Variants in PLEC observed in about 807,000 individuals in gnomAD.
PLEC encodes the protein hemidesmosomal protein 1.
In PLEC, 216 loss-of-function variants were observed where a neutral mutation model predicts 392.8. The ratio of observed to expected loss-of-function variants is 0.55; its 90% CI spans 0.49 to 0.62. The LOEUF is 0.62. Ranked by LOEUF, PLEC falls within the 20% of genes least tolerant of loss-of-function variation. The pLI, the probability that PLEC is intolerant of heterozygous loss-of-function variation, is 0.00. For synonymous variants in PLEC, 3,621 were observed against 2,980.6 expected (o/e 1.21, Z -7.00); for missense variants, 6,863 against 6,563.4 (o/e 1.05, Z -1.58).
At position 143,917,939 on chromosome 8, in the gene PLEC, C is replaced by T; in HGVS notation, c.11882G>A (p.Gly3961Asp). The change falls in exon 32 of 32, where the codon GGC becomes GAC. Residue 3961 changes from glycine (G) to aspartate (D), a missense_variant. Physicochemically the swap from Gly to Asp is moderately conservative, Grantham distance 94. Transcript: ENST00000345136. ...CGCCTCCAGGAGCTCAAAGGCTGTG[C>T]CGGGGCGGATGATGCCCTTCTTCAT... ...QAMKKGIIRP[G>D]TAFELLEAQA... is the part of the protein sequence containing the mutation. The T allele has an allele frequency of 6.2e-7, 1 of 1,612,870 alleles. No homozygotes were observed. Among genetic ancestry groups the T allele is most frequent in the Non-Finnish European group, 8.5e-7 (1 of 1,179,946 alleles).
upstream of PLEC, among the ~76,000 whole-genome samples, chr8:143,955,789 A>G (rs1304355397): frequency 1.3e-5 from 2 of 151,674 alleles, no homozygotes; most frequent in African/African-American, 4.8e-5. Flanking sequence ...TTATACAGAC[A>G]GTCTGTCTCT....
At chr8:143,934,501 T>A in intron 10 of PLEC, 56 bp from the exon 11 acceptor site, 1 of 1,606,648 alleles carries the variant, frequency 6.2e-7, no homozygotes, top group Non-Finnish European at 8.5e-7. Context: ...GGTGGGGCGC[T>A]GGGCCTTCAG....
chr8:143,961,564 G>T (rs1832874980), intron 1 of PLEC, among the ~76,000 whole-genome samples: 1 of 152,092 alleles, frequency 6.6e-6, no homozygotes, highest in Non-Finnish European at 1.5e-5. Context: ...GATGCACAAT[G>T]ACCCAGCTAC....
chr8:143,953,750 G>A (rs782197911), upstream of PLEC: 1 of 1,612,270 alleles, frequency 6.2e-7, no homozygotes, highest in Non-Finnish European at 8.5e-7. Context: ...ATCTCGTTCT[G>A]GATGGCTCGC....
Position 143,924,980 on chromosome 8 carries a change from T to TC in PLEC, c.4948dup (p.Glu1650GlyfsTer14). On this transcript the variant is annotated frameshift_variant, in exon 31 of 32. Transcript: ENST00000345136. LOFTEE classifies it high-confidence loss of function. ...CGCCAGGCTCTTCTGCTGCGCCACC[T>TC]CCTCCGCCTGCAGCCGCAGCCGTAG... 1 of 1,577,352 alleles carries TC rather than the reference T, an allele frequency of 6.3e-7. No homozygotes were observed. Among genetic ancestry groups the TC allele is most frequent in the Non-Finnish European group, 8.5e-7 (1 of 1,170,012 alleles).
Position 143,917,578 on chromosome 8 carries a change from G to A in PLEC, c.12243C>T (p.Thr4081=), listed in dbSNP as rs185022156. The A allele has an allele frequency of 1.1e-3, 1,770 of 1,613,868 alleles. 3 individuals carry two copies. The highest frequency in any genetic ancestry group is 1.4e-3 in the Non-Finnish European group (1,617 of 1,180,022). The change falls in exon 32 of 32, where the codon ACC becomes ACT. Residue 4081 remains threonine (T), a synonymous_variant. Transcript: ENST00000345136. The part of the protein sequence containing the change: ...LFDEEMNEIL[T]DPSDDTKGFF... The stretch of plus-strand genomic sequence containing the variant: ...AGCCCTTGGTGTCGTCCGAGGGGTC[G>A]GTCAGGATCTCGTTCATCTCCTCAT...
In PLEC at chr8:143,930,074, G is replaced by T. The variant is rs782387123; in HGVS notation, c.2613-12C>A. 2.5e-6 allele frequency: 4 copies of T among 1,609,040 alleles called. No individual in the cohort carries two copies. Among genetic ancestry groups the T allele is most frequent in the Non-Finnish European group, 2.5e-6 (3 of 1,179,670 alleles). On this transcript the variant is annotated splice_polypyrimidine_tract_variant and intron_variant, in intron 21 of 31. Transcript: ENST00000345136. ...GCTGGGCCTCCAGCCTGGCAGGTCA[G>T]GGCTACAGTCAGCGTCACCAGCGCC...
Position 143,922,359 on chromosome 8 carries a change from T to C in PLEC, c.7462A>G (p.Thr2488Ala). The C allele has an allele frequency of 6.2e-7, 1 of 1,603,854 alleles. No individual in the cohort carries two copies. The highest frequency in any genetic ancestry group is 8.5e-7 in the Non-Finnish European group (1 of 1,179,846). ...TVQQEQLLQE[T>A]QALQQSFLSE... ...AGGAAGCTTTGCTGCAGGGCCTGCG[T>C]CTCCTGCAGCAGCTGCTCCTGCTGC... Residue 2488 changes from threonine (T) to alanine (A), a missense_variant, in exon 32 of 32, where the codon ACG becomes GCG. Thr to Ala is a moderately conservative substitution (Grantham distance 58). Coordinates refer to ENST00000345136, the MANE Select transcript of PLEC (RefSeq NM_201384.3).
At chr8:143,937,111 G>A (rs536209277) in intron 4 of PLEC, 40 bp from the exon 5 acceptor site, 3 of 1,608,618 alleles carry the variant, frequency 1.9e-6, no homozygotes, top group East Asian at 2.2e-5. Flanking sequence ...CACAGGGCGG[G>A]GCTGGCTTGG....
rs1311787735 is a variant in PLEC at position 143,937,212 on chromosome 8, T to C, written c.295A>G (p.Lys99Glu). ...AGGGCAATCTGGACATTCTGCAGCT[T>C]GTGGAAACGCATCCTCCCCTTCTCC... ...PREKGRMRFH[K>E]LQNVQIALDY... is the part of the protein sequence containing the mutation. The change falls in exon 4 of 32, where the codon AAG becomes GAG. Residue 99 changes from lysine to glutamate, a missense_variant. By Grantham distance (56) the Lys-to-Glu change is moderately conservative (BLOSUM62 1). Transcript: ENST00000345136. 1.9e-6 allele frequency: 3 copies of C among 1,612,728 alleles called. No homozygotes were observed. The highest frequency in any genetic ancestry group is 1.7e-6 in the Non-Finnish European group (2 of 1,179,794).
rs549617899 is a variant in PLEC, at chr8:143,922,762, C to T, written c.7167G>A (p.Val2389=). The change falls in exon 31 of 32, where the codon GTG becomes GTA. Residue 2389 remains valine (V), a synonymous_variant. Coordinates refer to ENST00000345136, the MANE Select transcript of PLEC (RefSeq NM_201384.3). ...SAEAERLKLR[V]AEMSRAQARA... ...GGGCCTGGGCTCGGCTCATCTCGGC[C>T]ACACGCAGCTTGAGGCGCTCAGCCT... is the stretch of plus-strand genomic sequence containing the variant. The T allele has an allele frequency of 6.2e-7, 1 of 1,608,070 alleles. No homozygotes were observed. Among genetic ancestry groups the T allele is most frequent in the Non-Finnish European group, 8.5e-7 (1 of 1,179,028 alleles).
chr8:143,934,773 GGC>G, intron 9 of PLEC, 35 bp downstream of exon 9: 1 of 1,611,818 alleles, frequency 6.2e-7, no homozygotes, highest in South Asian at 1.1e-5. Context: ...GGGCTCTCAG[GGC>G]AGGCCCAGGA....
Position 143,933,314 on chromosome 8 carries a change from C to G in PLEC, c.1301G>C (p.Arg434Pro), listed in dbSNP as rs201336009. The change falls in exon 13 of 32, where the codon CGG (arginine) becomes CCG (proline). Residue 434 changes from arginine to proline, a missense_variant. Physicochemically the swap from Arg to Pro is moderately radical, Grantham distance 103. Coordinates refer to ENST00000345136, the MANE Select transcript of PLEC (RefSeq NM_201384.3). ...RLLAAGKVPQ[R>P]AGEVERDLDK... The stretch of plus-strand genomic sequence containing the variant: ...CAAGTCCCGTTCCACCTCCCCCGCC[C>G]GCTGTGGCACTTTGCCTGCAGCCAG... 6.8e-6 allele frequency: 11 copies of G among 1,612,752 alleles called. No individual in the cohort carries two copies. The East Asian group carries it at 2.5e-4, about 36-fold the overall frequency.
At position 143,933,024 on chromosome 8, in the gene PLEC, C is replaced by G. The variant is rs571497788; in HGVS notation, c.1506G>C (p.Gln502His). 1.1e-4 allele frequency: 175 copies of G among 1,601,176 alleles called. No homozygotes were observed. Among genetic ancestry groups the G allele is most frequent in the Non-Finnish European group, 1.4e-4 (166 of 1,175,238 alleles). ...CACTCTGCAGAGTCACCTGGGCCAC[C>G]TGGGTTGCAGGGGCCGCCACGCCTG... ...LKAGVAAPAT[Q>H]VAQVTLQSVQ... is the part of the protein sequence containing the mutation. Residue 502 changes from glutamine to histidine, a missense_variant, in exon 14 of 32, where the codon CAG (glutamine) becomes CAC (histidine). Coordinates refer to ENST00000345136, the MANE Select transcript of PLEC (RefSeq NM_201384.3).
At chr8:143,967,886 C>T (rs1833193001) in intron 1 of PLEC, among the ~76,000 whole-genome samples, 1 of 152,142 alleles carries the variant, frequency 6.6e-6, no homozygotes, top group African/African-American at 2.4e-5. Context: ...AACCCCAGCA[C>T]TGAGGCTGAG....
rs1169263358 is a variant in PLEC, at chr8:143,915,727, T to C, written c.*450A>G. The C allele has an allele frequency of 3.2e-5, 5 of 155,200 alleles. No individual in the cohort carries two copies. The highest frequency in any genetic ancestry group is 9.6e-5 in the African/African-American group (4 of 41,542). The allele number at this position is 155,200 out of a possible 1,614,324, so 9.6% of individuals were successfully genotyped here. A position where few individuals can be genotyped will look rare whatever the true frequency, so the allele number is the denominator to read the frequency against. ...CCCATGGGGAAGGGGCTTCTCTGGG[T>C]AGACTGGGAGAGAGGCTGACTGGGG... On this transcript the variant is annotated 3_prime_UTR_variant, in exon 32 of 32. Coordinates refer to ENST00000345136, the MANE Select transcript of PLEC (RefSeq NM_201384.3).
rs782133791 is a variant in PLEC, at chr8:143,916,348, G to A, written c.13473C>T (p.Thr4491=). 7.0e-5 allele frequency: 113 copies of A among 1,604,814 alleles called. No individual in the cohort carries two copies. The highest frequency in any genetic ancestry group is 1.7e-4 in the Middle Eastern group (1 of 5,736). ...CGGCCCGGGAGCCGGTGCGCGAGCC[G>A]GTGCGGGAGCCAGCGGTAGAGCCGG... is the stretch of plus-strand genomic sequence containing the variant. ...SGSGSTAGSR[T]GSRTGSRAGS... The change falls in exon 32 of 32, where the codon ACC becomes ACT. Residue 4491 remains threonine, a synonymous_variant. Transcript: ENST00000345136.
rs1756996507 is a variant in PLEC at position 143,922,998 on chromosome 8, T to C, written c.6931A>G (p.Met2311Val). Residue 2311 changes from methionine to valine, a missense_variant, in exon 31 of 32, where the codon ATG becomes GTG. Coordinates refer to ENST00000345136, the MANE Select transcript of PLEC (RefSeq NM_201384.3). Reference sequence around the variant, plus strand: ...ACCGCCTGCATCTTCTCCTTGAGCATCTTCTCTGCCAAGGCCCGCTGCTGT... The same window carrying C: ...ACCGCCTGCATCTTCTCCTTGAGCACCTTCTCTGCCAAGGCCCGCTGCTGT... ...LAQQRALAEK[M>V]LKEKMQAVQE... 2 of 1,611,788 alleles carry C rather than the reference T, an allele frequency of 1.2e-6. No homozygotes were observed. Among genetic ancestry groups the C allele is most frequent in the South Asian group, 2.2e-5 (2 of 90,894 alleles).
chr8:143,951,557 G>T (rs1832148713), upstream of PLEC, among the ~76,000 whole-genome samples: 2 of 152,118 alleles, frequency 1.3e-5, no homozygotes, highest in Non-Finnish European at 2.9e-5. Flanking sequence ...ATTAGGAGTG[G>T]CCTCTCCAAG....
Sources: allele counts gnomAD v4.1 joint callset (sites outside exome capture counted in the v4.1 genomes callset), GRCh38; gene constraint gnomAD v4.1.1; transcripts MANE v1.5; gene names NCBI Gene and HGNC (gene_info 2026-07-23, HGNC 2026-07-21).